The following VIL1 variants were observed in gnomAD, a reference collection of about 807,000 sequenced individuals.
The protein encoded by VIL1 is villin 1, also known as villin-1.
A neutral mutation model predicts 104.0 loss-of-function variants in VIL1; 86 were observed. The observed-to-expected ratio is 0.83, with a 90% CI of 0.69 to 0.99. The LOEUF is 0.99. Ranked by LOEUF, VIL1 falls within the 50% of genes least tolerant of loss-of-function variation. The probability of loss-of-function intolerance (pLI) is 0.00; values close to 1 mark genes in which losing one functional copy is unlikely to be tolerated. For synonymous variants in VIL1, 394 were observed against 412.6 expected, an observed-to-expected ratio of 0.95 and a Z score of 0.55; for missense variants, 944 against 1,054.1, an observed-to-expected ratio of 0.90 and a Z score of 1.45.
intron 19 of VIL1, among the ~76,000 whole-genome samples, chr2:218,447,656 C>A (rs1268622427): frequency 6.6e-6 from 1 of 152,124 alleles, no homozygotes; most frequent in Non-Finnish European, 1.5e-5. Context: ...TGAGCAGATA[C>A]CCTTATAGGG....
At chr2:218,433,327 C>T (rs1215981393) in intron 13 of VIL1, among the ~76,000 whole-genome samples, 1 of 151,972 alleles carries the variant, frequency 6.6e-6, no homozygotes, top group African/African-American at 2.4e-5. Flanking sequence ...CTCAGCTACT[C>T]AGGAGGCTGA....
In VIL1 at chr2:218,452,546, T is replaced by C. The variant is rs959874676; in HGVS notation, c.*3210T>C. On this transcript the variant is annotated 3_prime_UTR_variant, in exon 20 of 20. Transcript: ENST00000248444. ...AGAATGGACAGACATCAAGTAAAAT[T>C]TGAGTCCCAAACATGCAAGTACATG... The C allele has an allele frequency of 5.3e-5, 8 of 152,090 alleles. No homozygotes were observed. Among genetic ancestry groups the C allele is most frequent in the African/African-American group, 1.4e-4 (6 of 41,420 alleles). 9.4% of individuals were successfully genotyped at this position (152,090 alleles called of 1,614,324 possible). A position where few individuals can be genotyped will look rare whatever the true frequency, so the allele number is the denominator to read the frequency against.
At position 218,451,272 on chromosome 2, in the gene VIL1, GGTGTTA is replaced by G. The variant is rs1021794542; in HGVS notation, c.*1938_*1943del. The G allele has an allele frequency of 6.6e-6, 1 of 152,210 alleles. No individual in the cohort carries two copies. Among genetic ancestry groups the G allele is most frequent in the Non-Finnish European group, 1.5e-5 (1 of 68,002 alleles). The allele number at this position is 152,210 out of a possible 1,614,324, so 9.4% of individuals were successfully genotyped here. On this transcript the variant is annotated 3_prime_UTR_variant, in exon 20 of 20. Transcript: ENST00000248444. ...GAACACTTTTATGTGACTTGAATCT[GGTGTTA>G]GGTTGTTGATTTTTCTAAAAATCTC...
Position 218,433,838 on chromosome 2 carries a change from C to T in VIL1, c.1501-688C>T, listed in dbSNP as rs903052335. The stretch of plus-strand genomic sequence containing the variant: ...AGGAGAATGGCTTGAACCTGGGAGA[C>T]GCTGAGTCAGGATCACACCATTGCA... On this transcript the variant is annotated intron_variant, in intron 13 of 19. Transcript: ENST00000248444. Among the ~76,000 whole-genome samples, 16 of 151,222 alleles carry T rather than the reference C, an allele frequency of 1.1e-4. 1 individual carries two copies. Among genetic ancestry groups the T allele is most frequent in the East Asian group, 3.9e-4 (2 of 5,156 alleles).
intron 8 of VIL1, 65 bp from the exon 9 acceptor site, chr2:218,429,784 G>T: frequency 1.3e-6 from 2 of 1,589,240 alleles, no homozygotes; most frequent in Non-Finnish European, 1.7e-6. Flanking sequence ...AGACTTTTTT[G>T]TGTGTGAGGC....
intron 19 of VIL1, among the ~76,000 whole-genome samples, chr2:218,444,486 G>A (rs1689334318): frequency 6.6e-6 from 1 of 151,458 alleles, no homozygotes; most frequent in African/African-American, 2.4e-5. Context: ...CACTGTGTTA[G>A]CCAGGATGGT....
rs1689081656 is a variant in VIL1 at position 218,430,797 on chromosome 2, GTCTTTCAGCAGC to G, written c.1026_1037del (p.Gln344_Gln347del). 23 of 1,613,664 alleles carry G rather than the reference GTCTTTCAGCAGC, an allele frequency of 1.4e-5. No individual in the cohort carries two copies. The highest frequency in any genetic ancestry group is 1.9e-5 in the Non-Finnish European group (22 of 1,179,880). Reference sequence around the variant, plus strand: ...GCAGAATGATGGGGCTGAGTCGGCCGTCTTTCAGCAGCTCTTCCAGAAGTGGACAGCGTCCAA... The same window carrying G: ...GCAGAATGATGGGGCTGAGTCGGCCGTCTTCCAGAAGTGGACAGCGTCCAA... On this transcript the variant is annotated inframe_deletion, in exon 10 of 20. Transcript: ENST00000248444.
chr2:218,437,642 G>A (rs746089945), intron 17 of VIL1, among the ~76,000 whole-genome samples: 3 of 152,218 alleles, frequency 2.0e-5, no homozygotes, highest in Non-Finnish European at 2.9e-5. Flanking sequence ...AGCCACATGT[G>A]GCAGCTGGCT....
At position 218,430,860 on chromosome 2, in the gene VIL1, C is replaced by T. The variant is rs1348346130; in HGVS notation, c.1084C>T (p.His362Tyr). 2.5e-6 allele frequency: 4 copies of T among 1,613,674 alleles called. No homozygotes were observed. The South Asian group carries it at 3.3e-5, about 13-fold the overall frequency. Residue 362 changes from histidine to tyrosine, a missense_variant, in exon 10 of 20, where the codon CAC (histidine) becomes TAC (tyrosine). By Grantham distance (83) the His-to-Tyr change is moderately conservative. Coordinates refer to ENST00000248444, the MANE Select transcript of VIL1 (RefSeq NM_007127.3). The stretch of plus-strand genomic sequence containing the variant: ...CCGGACCTCAGGCCTAGGCAAAACC[C>T]ACACTGTGGGCTCCGTGGGTGAGGG... Reference protein sequence around the residue: ...SNRTSGLGKTHTVGSVAKVEQ... With the variant: ...SNRTSGLGKTYTVGSVAKVEQ...
intron 12 of VIL1, chr2:218,432,516 G>C (rs867790600): frequency 2.9e-6 from 2 of 695,706 alleles, no homozygotes; most frequent in African/African-American, 3.5e-5. Flanking sequence ...CCTGAAGAAG[G>C]AGCAGAAAGG....
chr2:218,437,033 G>A, intron 16 of VIL1, 91 bp from the exon 17 acceptor site: 1 of 1,475,952 alleles, frequency 6.8e-7, no homozygotes, highest in Non-Finnish European at 9.3e-7. Flanking sequence ...TCAGGGTCAA[G>A]GTCAGGGTTT....
Position 218,449,337 on chromosome 2 carries a change from G to A in VIL1, c.*1G>A, listed in dbSNP as rs1363054828. ...CAAGAAAGAAAAAGGACTATTTTGA[G>A]AAGAGTAGCTGTGGTTGTAAAGCAG... On this transcript the variant is annotated 3_prime_UTR_variant, in exon 20 of 20. Transcript: ENST00000248444. 5.0e-6 allele frequency: 8 copies of A among 1,608,968 alleles called. No homozygotes were observed. The highest frequency in any genetic ancestry group is 6.8e-6 in the Non-Finnish European group (8 of 1,175,522).
intron 4 of VIL1, among the ~76,000 whole-genome samples, chr2:218,426,793 A>T (rs573569097): frequency 1.3e-4 from 20 of 151,824 alleles, no homozygotes; most frequent in African/African-American, 3.9e-4. Flanking sequence ...TAGTAGAGAC[A>T]GGGTTTCACC....
At chr2:218,420,587 T>TG (rs1197504504) in intron 1 of VIL1, among the ~76,000 whole-genome samples, 5 of 150,204 alleles carry the variant, frequency 3.3e-5, no homozygotes, top group African/African-American at 9.8e-5. Flanking sequence ...TGTTTTTTTT[T>TG]TTTTTGTTTT....
At chr2:218,433,160 G>C (rs1427144224) in intron 13 of VIL1, among the ~76,000 whole-genome samples, 1 of 152,270 alleles carries the variant, frequency 6.6e-6, no homozygotes, top group Non-Finnish European at 1.5e-5. Context: ...ATTGGGCCGG[G>C]CATGGTGGCT....
Position 218,449,588 on chromosome 2 carries a change from C to T in VIL1, c.*252C>T. ...TTGTTTCTATCCTGAGGTATTGCAT[C>T]AATTTTAATACTCCTATAGTTTTCT... is the stretch of plus-strand genomic sequence containing the variant. On this transcript the variant is annotated 3_prime_UTR_variant, in exon 20 of 20. Coordinates refer to ENST00000248444, the MANE Select transcript of VIL1 (RefSeq NM_007127.3). 1 of 382,002 alleles carries T rather than the reference C, an allele frequency of 2.6e-6. No homozygotes were observed. Among genetic ancestry groups the T allele is most frequent in the South Asian group, 2.6e-5 (1 of 38,898 alleles). 23.7% of individuals were successfully genotyped at this position (382,002 alleles called of 1,614,324 possible).
rs766811954 is a variant in VIL1, at chr2:218,430,748, C to T, written c.972C>T (p.Tyr324=). 2 of 1,606,740 alleles carry T rather than the reference C, an allele frequency of 1.2e-6. No homozygotes were observed. The highest frequency in any genetic ancestry group is 1.3e-5 in the African/African-American group (1 of 74,776). ...HALNFIKAKQ[Y]PPSTQVEVQN... ...AGAACTTCATCAAAGCCAAGCAGTA[C>T]CCACCAAGCACACAGGTGGAGGTGC... Residue 324 remains tyrosine (Y), a synonymous_variant, in exon 10 of 20, where the codon TAC becomes TAT. Coordinates refer to ENST00000248444, the MANE Select transcript of VIL1 (RefSeq NM_007127.3).
rs548150052 is a variant in VIL1, at chr2:218,422,257, A to AAAAT, written c.-11-1487_-11-1484dup. Reference sequence around the variant, plus strand: ...GCAACAAGAGTGAAACTCTGTCCCAAAAATAAATAAATAAATAAATAAATA... The same window carrying AAAAT: ...GCAACAAGAGTGAAACTCTGTCCCAAAAATAAATAAATAAATAAATAAATAAATA... On this transcript the variant is annotated intron_variant, in intron 1 of 19. Transcript: ENST00000248444. 9.9e-3 allele frequency among the ~76,000 whole-genome samples: 1,512 copies of AAAAT among 152,206 alleles called. 11 individuals are homozygous for AAAAT. Among genetic ancestry groups the AAAAT allele is most frequent in the Non-Finnish European group, 0.014 (966 of 68,010 alleles).
At chr2:218,440,927 G>A in intron 19 of VIL1, 65 bp downstream of exon 19, 2 of 1,589,414 alleles carry the variant, frequency 1.3e-6, no homozygotes, top group African/African-American at 2.7e-5. Context: ...TTGACTCCCA[G>A]ATTTGGCCCT....
Sources: gnomAD v4.1 joint callset for allele counts (sites outside exome capture counted in the v4.1 genomes callset) on GRCh38, gnomAD v4.1.1 for gene constraint, MANE v1.5 for transcripts, NCBI Gene and HGNC (gene_info 2026-07-23, HGNC 2026-07-21) for gene names.